ESPNL: variants seen among roughly 807,000 people sequenced by gnomAD.
ESPNL encodes espin like.
Under a neutral mutation model 46.8 loss-of-function variants are expected in ESPNL, and 49 were observed. That is an observed-to-expected ratio of 1.05 (90% confidence interval 0.83 to 1.33). ESPNL has a LOEUF of 1.33. ESPNL is among the 40% of genes most tolerant of loss of function. The pLI, the probability that ESPNL is intolerant of heterozygous loss-of-function variation, is 0.00. For missense variants in ESPNL, 1,540 were observed against 1,436.6 expected (o/e 1.07, Z -1.16); for synonymous variants, 664 against 662.1 (o/e 1.00, Z -0.04).
chr2:238,131,828 C>G lies in ESPNL; in HGVS notation c.*96C>G. ...TCACACCCTTGGTGTTCAGGTGAGCCGGGCAAGGCTGCCTCCAGTCCTACC... is the reference window on the plus strand; with the variant it reads ...TCACACCCTTGGTGTTCAGGTGAGCGGGGCAAGGCTGCCTCCAGTCCTACC... On this transcript the variant is annotated 3_prime_UTR_variant, in exon 9 of 9. Transcript: ENST00000343063. 1 of 1,373,586 alleles carries G rather than the reference C, an allele frequency of 7.3e-7. No individual in the cohort carries two copies. Among genetic ancestry groups the G allele is most frequent in the Non-Finnish European group, 1.0e-6 (1 of 1,003,806 alleles). The allele number at this position is 1,373,586 out of a possible 1,614,324, so 85.1% of individuals were successfully genotyped here.
intron 5 of ESPNL, among the ~76,000 whole-genome samples, chr2:238,118,954 TG>T (rs1691903419): frequency 8.5e-6 from 1 of 117,292 alleles, no homozygotes; most frequent in Non-Finnish European, 1.7e-5. Flanking sequence ...AGAGGATTGA[TG>T]GAGGAGGGTG....
Position 238,131,360 on chromosome 2 carries a change from C to A in ESPNL, c.2646C>A (p.Cys882Ter). 1 of 1,599,348 alleles carries A rather than the reference C, an allele frequency of 6.3e-7. No individual in the cohort carries two copies. The highest frequency in any genetic ancestry group is 8.5e-7 in the Non-Finnish European group (1 of 1,173,808). ...AEERKLRHLLCFEVFEHLGTH... is the reference protein window; with the variant it reads ...AEERKLRHLL ...AGCGGAAGCTGCGCCACCTGCTGTGCTTCGAGGTCTTCGAGCACCTGGGCA... is the reference window on the plus strand; with the variant it reads ...AGCGGAAGCTGCGCCACCTGCTGTGATTCGAGGTCTTCGAGCACCTGGGCA... Residue 882 changes from cysteine to a stop codon, truncating the protein, a stop_gained, in exon 9 of 9, where the codon TGC (cysteine) becomes TGA (stop). Coordinates refer to ENST00000343063, the MANE Select transcript of ESPNL (RefSeq NM_194312.4). LOFTEE classifies it low-confidence loss of function (END_TRUNC).
intron 4 of ESPNL, among the ~76,000 whole-genome samples, chr2:238,115,971 CA>C (rs1370303696): frequency 2.0e-5 from 3 of 152,196 alleles, no homozygotes. Flanking sequence ...TGCGCCCGGC[CA>C]AGGGTCTCAC....
intron 5 of ESPNL, among the ~76,000 whole-genome samples, chr2:238,120,188 A>T (rs931371518): frequency 2.0e-5 from 3 of 152,186 alleles, no homozygotes; most frequent in Non-Finnish European, 4.4e-5. Context: ...CTTCTGCCAC[A>T]GAAGATGGTG....
rs145365944 is a variant in ESPNL, at chr2:238,117,874, G to T, written c.987+840G>T. 1.2e-4 allele frequency among the ~76,000 whole-genome samples: 19 copies of T among 152,318 alleles called. No individual in the cohort carries two copies. The East Asian group carries it at 1.5e-3, about 12-fold the overall frequency. On this transcript the variant is annotated intron_variant, in intron 5 of 8. Coordinates refer to ENST00000343063, the MANE Select transcript of ESPNL (RefSeq NM_194312.4). ...AAAATGAGGAGAGGGATACATGGAG[G>T]GGGGAGAGCTCTGGAGGGTGGACAG...
chr2:238,113,267 C>T (rs545963149), intron 4 of ESPNL, among the ~76,000 whole-genome samples: 3 of 152,306 alleles, frequency 2.0e-5, no homozygotes, highest in South Asian at 4.1e-4. Context: ...TCTGGTTAAC[C>T]ATATGCAGTC....
chr2:238,106,535 C>T (rs957763283), intron 3 of ESPNL, among the ~76,000 whole-genome samples: 3 of 152,354 alleles, frequency 2.0e-5, no homozygotes, highest in Non-Finnish European at 2.9e-5. Context: ...CCAGCTCCTC[C>T]TGCTGGAGCA....
intron 4 of ESPNL, 45 bp from the exon 5 acceptor site, chr2:238,116,851 GGGCACCT>G: frequency 1.3e-6 from 2 of 1,597,646 alleles, no homozygotes; most frequent in South Asian, 2.3e-5. Context: ...CCAGTCCCAT[GGGCACCT>G]GGTTTGTGTC....
In ESPNL at chr2:238,104,947, G is replaced by A. The variant is rs1254348174; in HGVS notation, c.672+105G>A. 1.9e-5 allele frequency: 20 copies of A among 1,045,614 alleles called. 1 individual carries two copies. The highest frequency in any genetic ancestry group is 6.6e-5 in the Admixed American group (2 of 30,166). 64.8% of individuals were successfully genotyped at this position (1,045,614 alleles called of 1,614,324 possible). A position where few individuals can be genotyped will look rare whatever the true frequency, so the allele number is the denominator to read the frequency against. ...GGGCTCCAGAGGGAACTGGGGACAC[G>A]CAGGGCTGTTGGGGCATCCGATGAG... On this transcript the variant is annotated intron_variant, in intron 3 of 8. Coordinates refer to ENST00000343063, the MANE Select transcript of ESPNL (RefSeq NM_194312.4).
chr2:238,101,308 G>A (rs1691472907), intron 1 of ESPNL, among the ~76,000 whole-genome samples: 2 of 152,180 alleles, frequency 1.3e-5, no homozygotes, highest in Admixed American at 1.3e-4. Flanking sequence ...TTGAGGTGGG[G>A]GCCGGTGGGG....
At chr2:238,118,077 G>A (rs1691855826) in intron 5 of ESPNL, among the ~76,000 whole-genome samples, 1 of 149,368 alleles carries the variant, frequency 6.7e-6, no homozygotes, top group African/African-American at 2.5e-5. Context: ...ATGGATGGAA[G>A]AGGATGGATG....
intron 4 of ESPNL, among the ~76,000 whole-genome samples, chr2:238,111,348 GC>G (rs1477532778): frequency 6.6e-6 from 1 of 152,114 alleles, no homozygotes; most frequent in Non-Finnish European, 1.5e-5. Flanking sequence ...CTTCAGCAGC[GC>G]TAAGTCTGTT....
At chr2:238,113,845 G>A (rs1363073643) in intron 4 of ESPNL, among the ~76,000 whole-genome samples, 2 of 152,228 alleles carry the variant, frequency 1.3e-5, no homozygotes, top group Admixed American at 6.5e-5. Flanking sequence ...GCGGGAGGAC[G>A]GCACATCATA....
Position 238,116,988 on chromosome 2 carries a change from A to G in ESPNL, c.941A>G (p.His314Arg). Residue 314 changes from histidine (H) to arginine (R), a missense_variant, in exon 5 of 9, where the codon CAT becomes CGT. By Grantham distance (29) the His-to-Arg change is conservative. Coordinates refer to ENST00000343063, the MANE Select transcript of ESPNL (RefSeq NM_194312.4). ...GYTAADLAEY[H>R]GHRDCAQYLR... ...ACGGCGGCAGACCTGGCGGAGTACC[A>G]TGGACACCGGGACTGCGCCCAGTAC... 3 of 1,612,352 alleles carry G rather than the reference A, an allele frequency of 1.9e-6. No homozygotes were observed. The highest frequency in any genetic ancestry group is 2.2e-5 in the East Asian group (1 of 44,884).
Position 238,131,312 on chromosome 2 carries a change from G to A in ESPNL, c.2598G>A (p.Leu866=), listed in dbSNP as rs1276447857. Residue 866 remains leucine (L), a synonymous_variant, in exon 9 of 9, where the codon CTG becomes CTA. Transcript: ENST00000343063. ...TCATGCTGGGTTACTTCCAGCTGCT[G>A]GAGTGCGACCTGCCGGCGGAGGAGC... ...DLFMLGYFQL[L]ECDLPAEERK... 2.5e-6 allele frequency: 4 copies of A among 1,585,044 alleles called. No homozygotes were observed. Among genetic ancestry groups the A allele is most frequent in the Non-Finnish European group, 3.4e-6 (4 of 1,166,476 alleles).
intron 4 of ESPNL, among the ~76,000 whole-genome samples, chr2:238,108,795 A>G (rs1691656483): frequency 6.6e-6 from 1 of 152,160 alleles, no homozygotes; most frequent in Admixed American, 6.5e-5. Context: ...GCTAGAACCC[A>G]AGGTCTTCCT....
intron 5 of ESPNL, among the ~76,000 whole-genome samples, chr2:238,122,113 C>T (rs1559264874): frequency 6.6e-6 from 1 of 152,262 alleles, no homozygotes; most frequent in Non-Finnish European, 1.5e-5. Flanking sequence ...GCCACATGAC[C>T]ACCAGCCTCA....
In ESPNL at chr2:238,131,111, G is replaced by A. The variant is rs947494487; in HGVS notation, c.2397G>A (p.Gln799=). Residue 799 remains glutamine, a synonymous_variant, in exon 9 of 9, where the codon CAG becomes CAA. Transcript: ENST00000343063. ...GCCCCCGGCTGGGCCACCTGTGGCAGCAGCGCAGCACCATCACCCACCTGC... is the reference window on the plus strand; with the variant it reads ...GCCCCCGGCTGGGCCACCTGTGGCAACAGCGCAGCACCATCACCCACCTGC... The part of the protein sequence containing the change: ...SEGPRLGHLW[Q]QRSTITHLLG... 4.5e-6 allele frequency: 7 copies of A among 1,544,154 alleles called. No individual in the cohort carries two copies. Among genetic ancestry groups the A allele is most frequent in the African/African-American group, 4.1e-5 (3 of 72,976 alleles).
intron 4 of ESPNL, 113 bp from the exon 5 acceptor site, chr2:238,116,790 A>C: frequency 7.5e-7 from 1 of 1,328,364 alleles, no homozygotes; most frequent in Non-Finnish European, 1.0e-6. Flanking sequence ...CCTGCTGGGA[A>C]GGGCATCAGG....
Sources: allele counts gnomAD v4.1 joint callset (sites outside exome capture counted in the v4.1 genomes callset), GRCh38; gene constraint gnomAD v4.1.1; transcripts MANE v1.5; gene names NCBI Gene and HGNC (gene_info 2026-07-23, HGNC 2026-07-21).